The following DRD3 variants were observed in gnomAD, a reference collection of about 807,000 sequenced individuals.
DRD3 encodes the protein D(3) dopamine receptor.
A neutral mutation model predicts 36.3 loss-of-function variants in DRD3; 19 were observed. The ratio of observed to expected loss-of-function variants is 0.52; its 90% CI spans 0.36 to 0.77. The LOEUF (loss-of-function observed/expected upper bound fraction) is 0.77, where lower values mean the gene tolerates loss of function less well. Ranked by LOEUF, DRD3 falls within the 30% of genes least tolerant of loss-of-function variation. The pLI is 0.00. For synonymous variants in DRD3, 195 were observed against 203.7 expected, an observed-to-expected ratio of 0.96 and a Z score of 0.36; for missense variants, 465 against 505.3, an observed-to-expected ratio of 0.92 and a Z score of 0.77.
intron 2 of DRD3, among the ~76,000 whole-genome samples, chr3:114,169,712 A>G (rs988678723): frequency 2.6e-5 from 4 of 152,084 alleles, no homozygotes; most frequent in Non-Finnish European, 5.9e-5. Context: ...CTGCCCTTCT[A>G]TGCTCAGTAG....
intron 4 of DRD3, among the ~76,000 whole-genome samples, chr3:114,140,569 C>T (rs891205618): frequency 2.0e-5 from 3 of 152,172 alleles, no homozygotes; most frequent in African/African-American, 4.8e-5. Context: ...ATTAAGGCAA[C>T]GTTATATGAG....
chr3:114,130,982 A>G, intron 6 of DRD3, 136 bp downstream of exon 6: 2 of 1,191,624 alleles, frequency 1.7e-6, no homozygotes, highest in Non-Finnish European at 2.3e-6. Flanking sequence ...ATTTATACAC[A>G]AATACTTTTC....
intron 3 of DRD3, among the ~76,000 whole-genome samples, chr3:114,158,463 T>C (rs908691553): frequency 3.9e-5 from 6 of 152,224 alleles, no homozygotes; most frequent in African/African-American, 1.4e-4. Context: ...GTACACATTT[T>C]CAGGAGTGCA....
Position 114,128,632 on chromosome 3 carries a change from G to T in DRD3, c.*84C>A. ...AGGAATCTTCTTCCTACTGCATGCC[G>T]GAGGACACTGCACAGTCTTTCTGAG... On this transcript the variant is annotated 3_prime_UTR_variant, in exon 7 of 7. Transcript: ENST00000383673. 1 of 1,345,732 alleles carries T rather than the reference G, an allele frequency of 7.4e-7. No individual in the cohort carries two copies. The highest frequency in any genetic ancestry group is 9.9e-7 in the Non-Finnish European group (1 of 1,007,782). 83.4% of individuals were successfully genotyped at this position (1,345,732 alleles called of 1,614,324 possible). A position where few individuals can be genotyped will look rare whatever the true frequency, so the allele number is the denominator to read the frequency against.
At chr3:114,173,668 G>A (rs983835821) in intron 1 of DRD3, among the ~76,000 whole-genome samples, 1 of 152,186 alleles carries the variant, frequency 6.6e-6, no homozygotes, top group African/African-American at 2.4e-5. Context: ...ATCACATTTT[G>A]TATGGAATTT....
intron 2 of DRD3, among the ~76,000 whole-genome samples, chr3:114,170,879 G>A (rs1017085389): frequency 6.6e-6 from 1 of 151,920 alleles, no homozygotes; most frequent in African/African-American, 2.4e-5. Flanking sequence ...GTATACTCAG[G>A]TTTTTTTAAA....
chr3:114,147,286 G>T, intron 4 of DRD3, 129 bp downstream of exon 4: 2 of 1,181,666 alleles, frequency 1.7e-6, no homozygotes, highest in South Asian at 1.7e-5. Context: ...GCATTCTGTG[G>T]CATTCTCATT....
At chr3:114,198,017 G>A (rs931920388) in intron 1 of DRD3, among the ~76,000 whole-genome samples, 63 of 152,054 alleles carry the variant, frequency 4.1e-4, no homozygotes, top group Admixed American at 4.0e-3. Flanking sequence ...TTATTCTACA[G>A]ATCAAGTTAT....
chr3:114,143,522 G>T, intron 4 of DRD3, among the ~76,000 whole-genome samples: 1 of 152,210 alleles, frequency 6.6e-6, no homozygotes, highest in East Asian at 1.9e-4. Context: ...CTCAGAGCAG[G>T]TTTACTTGAA....
chr3:114,169,768 GC>G (rs1211711384), intron 2 of DRD3, among the ~76,000 whole-genome samples: 9 of 152,148 alleles, frequency 5.9e-5, no homozygotes, highest in Admixed American at 3.9e-4. Flanking sequence ...TAGAAGGGGT[GC>G]CATGGATTTC....
chr3:114,152,764 C>G (rs2077629810), intron 3 of DRD3, among the ~76,000 whole-genome samples: 1 of 152,366 alleles, frequency 6.6e-6, no homozygotes, highest in African/African-American at 2.4e-5. Flanking sequence ...CCACCCAGGC[C>G]GACCGCTTAG....
At chr3:114,160,546 A>C (rs191523103) in intron 2 of DRD3, among the ~76,000 whole-genome samples, 1 of 152,338 alleles carries the variant, frequency 6.6e-6, no homozygotes, top group East Asian at 1.9e-4. Flanking sequence ...AGCTGGTGGT[A>C]AAAGGACTTC....
chr3:114,185,863 A>C (rs1314922321), intron 1 of DRD3, among the ~76,000 whole-genome samples: 2 of 152,090 alleles, frequency 1.3e-5, no homozygotes, highest in Non-Finnish European at 2.9e-5. Context: ...TATTTATAGA[A>C]GTGGAGTCTC....
At chr3:114,193,973 G>A (rs551727217) in intron 1 of DRD3, among the ~76,000 whole-genome samples, 1 of 151,936 alleles carries the variant, frequency 6.6e-6, no homozygotes, top group South Asian at 2.1e-4. Context: ...TGCACTCTTG[G>A]TCAGTTCTAA....
At chr3:114,139,989 CTAGA>C (rs1315718322) in intron 4 of DRD3, among the ~76,000 whole-genome samples, 1 of 152,184 alleles carries the variant, frequency 6.6e-6, no homozygotes, top group Non-Finnish European at 1.5e-5. Context: ...AGCAAACAGT[CTAGA>C]TAGACAGATG....
chr3:114,138,319 A>G (rs891533961), intron 5 of DRD3, among the ~76,000 whole-genome samples: 1 of 152,202 alleles, frequency 6.6e-6, no homozygotes, highest in African/African-American at 2.4e-5. Context: ...CTGCTAATAA[A>G]GACATACCTG....
intron 2 of DRD3, among the ~76,000 whole-genome samples, chr3:114,170,214 C>T (rs909424079): frequency 6.6e-6 from 1 of 152,158 alleles, no homozygotes; most frequent in African/African-American, 2.4e-5. Context: ...CAAAAGTCCT[C>T]TCCCCAAAAA....
At chr3:114,160,739 T>C (rs2077724998) in intron 2 of DRD3, among the ~76,000 whole-genome samples, 2 of 152,188 alleles carry the variant, frequency 1.3e-5, no homozygotes, top group Admixed American at 1.3e-4. Context: ...ACAACATTTA[T>C]GGGAATCTAT....
intron 3 of DRD3, among the ~76,000 whole-genome samples, chr3:114,156,783 CTTTCTTTCTTTCTTTCT>C (rs2077679324): frequency 1.3e-5 from 1 of 74,432 alleles, no homozygotes; most frequent in African/African-American, 4.6e-5. Context: ...TTCTTTCTTT[CTTTCTTTCTTTCTTTCT>C]CTTTTCTTTT....
Sources: allele counts gnomAD v4.1 joint callset (sites outside exome capture counted in the v4.1 genomes callset), GRCh38; gene constraint gnomAD v4.1.1; transcripts MANE v1.5; gene names NCBI Gene and HGNC (gene_info 2026-07-23, HGNC 2026-07-21).